Variants in BMP6 observed in about 807,000 individuals in gnomAD.
BMP6 encodes bone morphogenetic protein 6.
In BMP6, 17 loss-of-function variants were observed where a neutral mutation model predicts 54.1. The ratio of observed to expected loss-of-function variants is 0.31; its 90% CI spans 0.22 to 0.47. The LOEUF is 0.47. Ranked by LOEUF, BMP6 falls within the 20% of genes least tolerant of loss-of-function variation. The pLI is 1.00. For synonymous variants in BMP6, 328 were observed against 291.2 expected, an observed-to-expected ratio of 1.13 and a Z score of -1.28; for missense variants, 720 against 690.4, an observed-to-expected ratio of 1.04 and a Z score of -0.48.
intron 5 of BMP6, 98 bp downstream of exon 5, chr6:7,879,248 A>T (rs1399549860): frequency 1.6e-6 from 2 of 1,263,680 alleles, no homozygotes; most frequent in Non-Finnish European, 2.3e-6. Flanking sequence ...GCTTGATTGA[A>T]GGCTGAGCTG....
chr6:7,750,187 A>G (rs1757401480), intron 1 of BMP6, among the ~76,000 whole-genome samples: 1 of 152,180 alleles, frequency 6.6e-6, no homozygotes, highest in Non-Finnish European at 1.5e-5. Flanking sequence ...AACATTTAAC[A>G]TGTTGTGTGC....
intron 1 of BMP6, among the ~76,000 whole-genome samples, chr6:7,743,388 G>C (rs1442766845): frequency 6.6e-6 from 1 of 152,162 alleles, no homozygotes; most frequent in Non-Finnish European, 1.5e-5. Flanking sequence ...GCCGGCTTCT[G>C]TTAGAATCAT....
At chr6:7,756,994 G>A (rs1757524407) in intron 1 of BMP6, among the ~76,000 whole-genome samples, 1 of 152,146 alleles carries the variant, frequency 6.6e-6, no homozygotes, top group South Asian at 2.1e-4. Flanking sequence ...AGACCCCTCT[G>A]TAGATCTTTG....
chr6:7,776,316 G>A (rs1277567188), intron 1 of BMP6, among the ~76,000 whole-genome samples: 3 of 152,104 alleles, frequency 2.0e-5, no homozygotes, highest in African/African-American at 7.2e-5. Context: ...AGTTGATCCT[G>A]GACTGGAACA....
At chr6:7,837,051 T>C (rs1176605229) in intron 1 of BMP6, among the ~76,000 whole-genome samples, 1 of 152,260 alleles carries the variant, frequency 6.6e-6, no homozygotes, top group East Asian at 1.9e-4. Flanking sequence ...AATGTAGGAT[T>C]TATTGGGAAT....
chr6:7,761,878 G>A (rs1018503299), intron 1 of BMP6, among the ~76,000 whole-genome samples: 1 of 152,136 alleles, frequency 6.6e-6, no homozygotes, highest in African/African-American at 2.4e-5. Flanking sequence ...CAAGGAATGT[G>A]TCTTACTCCC....
At chr6:7,766,260 T>C (rs1264195151) in intron 1 of BMP6, among the ~76,000 whole-genome samples, 1 of 152,210 alleles carries the variant, frequency 6.6e-6, no homozygotes, top group East Asian at 1.9e-4. Flanking sequence ...TCTTGTCTGC[T>C]GATTTTCTGA....
chr6:7,834,116 C>A (rs553903450), intron 1 of BMP6, among the ~76,000 whole-genome samples: 3 of 148,958 alleles, frequency 2.0e-5, no homozygotes, highest in African/African-American at 7.4e-5. Flanking sequence ...GAGGTTCCCA[C>A]ATTAAGCCGG....
At chr6:7,736,107 C>G (rs1479460260) in intron 1 of BMP6, among the ~76,000 whole-genome samples, 1 of 152,168 alleles carries the variant, frequency 6.6e-6, no homozygotes, top group Non-Finnish European at 1.5e-5. Context: ...GACAACAAAT[C>G]CATCAGAAAT....
intron 1 of BMP6, among the ~76,000 whole-genome samples, chr6:7,817,632 G>A (rs1407503432): frequency 6.6e-6 from 1 of 151,632 alleles, no homozygotes; most frequent in Admixed American, 6.6e-5. Context: ...TAAATGATGA[G>A]TTAATGGGTG....
intron 1 of BMP6, among the ~76,000 whole-genome samples, chr6:7,797,664 A>T (rs999849148): frequency 6.6e-6 from 1 of 152,172 alleles, no homozygotes; most frequent in African/African-American, 2.4e-5. Context: ...TGGGTCTGTA[A>T]ATCTCTTTCT....
At chr6:7,870,652 C>T (rs907079746) in intron 4 of BMP6, among the ~76,000 whole-genome samples, 21 of 151,782 alleles carry the variant, frequency 1.4e-4, no homozygotes, top group Non-Finnish European at 1.3e-4. Context: ...CAAAAAAAAA[C>T]GGGTCTCACT....
intron 1 of BMP6, among the ~76,000 whole-genome samples, chr6:7,837,474 G>A (rs1201107071): frequency 6.6e-6 from 1 of 152,202 alleles, no homozygotes; most frequent in African/African-American, 2.4e-5. Flanking sequence ...TATGAAAAAT[G>A]TTATGGTAAT....
intron 1 of BMP6, among the ~76,000 whole-genome samples, chr6:7,800,790 C>T (rs1195456821): frequency 6.6e-6 from 1 of 150,944 alleles, no homozygotes; most frequent in Non-Finnish European, 1.5e-5. Flanking sequence ...TTCATTAAAA[C>T]TTCATTAATT....
At chr6:7,847,010 A>G (rs909375960) in intron 2 of BMP6, among the ~76,000 whole-genome samples, 1 of 152,216 alleles carries the variant, frequency 6.6e-6, no homozygotes, top group Admixed American at 6.5e-5. Flanking sequence ...TGGCATTTAA[A>G]AAAATTGTTA....
intron 1 of BMP6, among the ~76,000 whole-genome samples, chr6:7,817,037 C>T (rs1009640992): frequency 6.6e-6 from 1 of 152,182 alleles, no homozygotes. Flanking sequence ...CAAAGATACA[C>T]GTCCTCACCT....
At chr6:7,869,690 C>A (rs1007375050) in intron 4 of BMP6, among the ~76,000 whole-genome samples, 1 of 152,174 alleles carries the variant, frequency 6.6e-6, no homozygotes, top group Non-Finnish European at 1.5e-5. Context: ...TGGAATGTCT[C>A]CTCAGTCATC....
At chr6:7,733,107 T>C (rs1208004403) in intron 1 of BMP6, among the ~76,000 whole-genome samples, 3 of 152,118 alleles carry the variant, frequency 2.0e-5, no homozygotes, top group Admixed American at 6.5e-5. Context: ...GGTTTCACCA[T>C]GTTGGCCAGG....
intron 1 of BMP6, among the ~76,000 whole-genome samples, chr6:7,736,090 A>G (rs570456970): frequency 6.6e-6 from 1 of 152,214 alleles, no homozygotes; most frequent in East Asian, 1.9e-4. Flanking sequence ...TAGTGCTTCT[A>G]TGTGTTGACA....
Sources: gnomAD v4.1 joint callset for allele counts (sites outside exome capture counted in the v4.1 genomes callset) on GRCh38, gnomAD v4.1.1 for gene constraint, MANE v1.5 for transcripts, NCBI Gene and HGNC (gene_info 2026-07-23, HGNC 2026-07-21) for gene names.